The following ZBTB47 variants were observed in gnomAD, a reference collection of about 807,000 sequenced individuals.
ZBTB47 encodes zinc finger and BTB domain-containing protein 47.
ZBTB47 carries 24 observed loss-of-function variants against 56.6 expected under a neutral mutation model. The observed-to-expected ratio is 0.42, with a 90% CI of 0.31 to 0.60. The LOEUF (loss-of-function observed/expected upper bound fraction) is 0.60, where lower values mean the gene tolerates loss of function less well. Among genes scored for constraint, ZBTB47 ranks in the 20% least tolerant of loss-of-function variants. The probability of loss-of-function intolerance (pLI) is 0.14; values close to 1 mark genes in which losing one functional copy is unlikely to be tolerated. For missense variants in ZBTB47, 829 were observed against 1,032.6 expected, an observed-to-expected ratio of 0.80 and a Z score of 2.70; for synonymous variants, 414 against 418.9, an observed-to-expected ratio of 0.99 and a Z score of 0.14.
At chr3:42,659,909 C>T in intron 2 of ZBTB47, 81 bp downstream of exon 2, 1 of 1,467,202 alleles carries the variant, frequency 6.8e-7, no homozygotes, top group Admixed American at 2.4e-5. Flanking sequence ...CACCTAGTGT[C>T]TTGCTGACTG....
chr3:42,663,660 C>G lies in ZBTB47; in HGVS notation c.1738-137C>G, dbSNP rs1710748328. 2 of 1,159,212 alleles carry G rather than the reference C, an allele frequency of 1.7e-6. No individual in the cohort carries two copies. The highest frequency in any genetic ancestry group is 1.2e-6 in the Non-Finnish European group (1 of 827,416). The allele number at this position is 1,159,212 out of a possible 1,614,324, so 71.8% of individuals were successfully genotyped here. ...CCACCCAGATGCACCTCGGCTTGCCCTCATGTCCCCATCTCCTTGCCCAGG... is the reference window on the plus strand; with the variant it reads ...CCACCCAGATGCACCTCGGCTTGCCGTCATGTCCCCATCTCCTTGCCCAGG... On this transcript the variant is annotated intron_variant, in intron 4 of 5. Transcript: ENST00000232974. The surrounding 1 kb of genome is among the most constrained non-coding windows in gnomAD (Gnocchi z 5.1).
rs769927995 is a variant in ZBTB47 at position 42,659,253 on chromosome 3, C to G, written c.898C>G (p.Arg300Gly). 2.6e-6 allele frequency: 4 copies of G among 1,520,456 alleles called. No individual in the cohort carries two copies. The highest frequency in any genetic ancestry group is 8.8e-7 in the Non-Finnish European group (1 of 1,136,662). The allele number at this position is 1,520,456 out of a possible 1,614,324, so 94.2% of individuals were successfully genotyped here. A position where few individuals can be genotyped will look rare whatever the true frequency, so the allele number is the denominator to read the frequency against. ...GGAAGAGGAAGGTGGTGGCAGTGGA[C>G]GGGAGGAGGAGGAGGAGGAAGAGGG... is the stretch of plus-strand genomic sequence containing the variant. ...EEEEEGGGSG[R>G]EEEEEEEGGS... The change falls in exon 2 of 6, where the codon CGG becomes GGG. Residue 300 changes from arginine to glycine, a missense_variant. Arg to Gly is a moderately radical substitution (Grantham distance 125, BLOSUM62 -2). This residue lies in a region of ZBTB47 where 359 missense variants were observed against 359.8 expected (regional missense o/e 1.00). Transcript: ENST00000232974.
Position 42,663,077 on chromosome 3 carries a change from C to G in ZBTB47, c.1687C>G (p.Leu563Val). The G allele has an allele frequency of 6.2e-7, 1 of 1,613,954 alleles. No individual in the cohort carries two copies. The highest frequency in any genetic ancestry group is 8.5e-7 in the Non-Finnish European group (1 of 1,179,820). Residue 563 changes from leucine (L) to valine (V), a missense_variant, in exon 4 of 6, where the codon CTC becomes GTC. Transcript: ENST00000232974. The surrounding 1 kb of genome is among the most constrained non-coding windows in gnomAD (Gnocchi z 5.1). ...AAAGTCCTTCAAGCGCAGCATGTCC[C>G]TCAAGGTGCACTCACTGCAGCACTC... ...CGKSFKRSMS[L>V]KVHSLQHSGE...
chr3:42,663,710 GC>G lies in ZBTB47; in HGVS notation c.1738-84del. 1 of 1,519,960 alleles carries G rather than the reference GC, an allele frequency of 6.6e-7. No homozygotes were observed. Among genetic ancestry groups the G allele is most frequent in the Non-Finnish European group, 9.0e-7 (1 of 1,117,014 alleles). The allele number at this position is 1,519,960 out of a possible 1,614,324, so 94.2% of individuals were successfully genotyped here. On this transcript the variant is annotated intron_variant, in intron 4 of 5. Coordinates refer to ENST00000232974, the MANE Select transcript of ZBTB47 (RefSeq NM_145166.4). The surrounding 1 kb of genome is among the most constrained non-coding windows in gnomAD (Gnocchi z 5.1). ...GAGCCCCTGAGTGTGTCCCTCCTTG[GC>G]CCTGTGGCCACAGGGGAGCTGTTCC...
rs1052035256 is a variant in ZBTB47, at chr3:42,664,547, G to T, written c.2193G>T (p.Pro731=). 1.5e-6 allele frequency: 1 copy of T among 662,536 alleles called. No individual in the cohort carries two copies. The highest frequency in any genetic ancestry group is 1.9e-6 in the Non-Finnish European group (1 of 528,574). The allele number at this position is 662,536 out of a possible 1,614,324, so 41.0% of individuals were successfully genotyped here. ...CGCCCCACCTGCCGCCCCCGCCTCC[G>T]CTCTTCCCCACCACTGCCAGCCCCG... ...PPPPHLPPPP[P]LFPTTASPGG... The change falls in exon 6 of 6, where the codon CCG becomes CCT. Residue 731 remains proline (P), a synonymous_variant. Coordinates refer to ENST00000232974, the MANE Select transcript of ZBTB47 (RefSeq NM_145166.4).
rs3821837 is a variant in ZBTB47 at position 42,666,330 on chromosome 3, G to A, written c.*1732G>A. Reference sequence around the variant, plus strand: ...TGCTGTCCTGGGGGAGAGAAGGTTCGCCCCTCCCCGAGGAAGAAGGCTTCT... The same window carrying A: ...TGCTGTCCTGGGGGAGAGAAGGTTCACCCCTCCCCGAGGAAGAAGGCTTCT... On this transcript the variant is annotated 3_prime_UTR_variant, in exon 6 of 6. Transcript: ENST00000232974. 4.0e-4 allele frequency among the ~76,000 whole-genome samples: 61 copies of A among 152,236 alleles called. No individual in the cohort carries two copies. In the East Asian group the frequency reaches 0.011, roughly 27 times the overall value.
At chr3:42,660,051 G>A (rs966083852) in intron 2 of ZBTB47, among the ~76,000 whole-genome samples, 7 of 152,206 alleles carry the variant, frequency 4.6e-5, no homozygotes, top group South Asian at 2.1e-4. Flanking sequence ...AGAGTTGGGC[G>A]CATGAAGAGA....
chr3:42,664,517 G>GCCC lies in ZBTB47; in HGVS notation c.2166_2168dup (p.Pro724dup). 2 of 751,736 alleles carry GCCC rather than the reference G, an allele frequency of 2.7e-6. No homozygotes were observed. Among genetic ancestry groups the GCCC allele is most frequent in the Non-Finnish European group, 3.5e-6 (2 of 577,842 alleles). The allele number at this position is 751,736 out of a possible 1,614,324, so 46.6% of individuals were successfully genotyped here. A position where few individuals can be genotyped will look rare whatever the true frequency, so the allele number is the denominator to read the frequency against. ...TCCCGGGGCTGCCCCAGACCCTGCC[G>GCCC]CCCCCGCCCCACCTGCCGCCCCCGC... On this transcript the variant is annotated inframe_insertion, in exon 6 of 6. Transcript: ENST00000232974.
Position 42,663,961 on chromosome 3 carries a change from C to A in ZBTB47, c.1882+20C>A. 1 of 1,600,872 alleles carries A rather than the reference C, an allele frequency of 6.2e-7. No individual in the cohort carries two copies. Among genetic ancestry groups the A allele is most frequent in the Non-Finnish European group, 8.5e-7 (1 of 1,171,928 alleles). ...ACACAGGTGCGGCTGCCCCTGGGGA[C>A]GGAGCTCGGTGCCGGGCCTGGGACC... On this transcript the variant is annotated intron_variant, in intron 5 of 5. Transcript: ENST00000232974. This position sits in a 1 kb window ranked among gnomAD's most constrained non-coding sequence, Gnocchi z 5.1.
In ZBTB47 at chr3:42,664,504, C is replaced by G; in HGVS notation, c.2150C>G (p.Pro717Arg). ...GCACTGCCCCTGCTCCCGGGGCTGC[C>G]CCAGACCCTGCCGCCCCCGCCCCAC... ...AHALPLLPGL[P>R]QTLPPPPHLP... Residue 717 changes from proline to arginine, a missense_variant, in exon 6 of 6, where the codon CCC (proline) becomes CGC (arginine). Pro to Arg is a moderately radical substitution (Grantham distance 103). This residue lies in a region of ZBTB47 where 115 missense variants were observed against 117.2 expected (regional missense o/e 0.98). Coordinates refer to ENST00000232974, the MANE Select transcript of ZBTB47 (RefSeq NM_145166.4). 6.9e-7 allele frequency: 1 copy of G among 1,455,894 alleles called. No individual in the cohort carries two copies. Among genetic ancestry groups the G allele is most frequent in the South Asian group, 1.4e-5 (1 of 72,976 alleles). 90.2% of individuals were successfully genotyped at this position (1,455,894 alleles called of 1,614,324 possible).
In ZBTB47 at chr3:42,654,206, C is replaced by T. The variant is rs1255467452; in HGVS notation, c.-82+323C>T. ...GCAACCGGAGGGCAGCGATGTTTGA[C>T]TCCCGGACGAACTTCCCGGCAGAAA... On this transcript the variant is annotated intron_variant, in intron 1 of 5. Transcript: ENST00000232974. The surrounding 1 kb of genome is among the most constrained non-coding windows in gnomAD (Gnocchi z 5.0). 1.3e-5 allele frequency: 2 copies of T among 152,090 alleles called. No individual in the cohort carries two copies. Among genetic ancestry groups the T allele is most frequent in the Non-Finnish European group, 2.9e-5 (2 of 68,026 alleles). The allele number at this position is 152,090 out of a possible 1,614,324, so 9.4% of individuals were successfully genotyped here.
In ZBTB47 at chr3:42,663,968, C is replaced by T. The variant is rs201361350; in HGVS notation, c.1882+27C>T. ...TGCGGCTGCCCCTGGGGACGGAGCT[C>T]GGTGCCGGGCCTGGGACCCCTTCTC... is the stretch of plus-strand genomic sequence containing the variant. On this transcript the variant is annotated intron_variant, in intron 5 of 5. Transcript: ENST00000232974. This position sits in a 1 kb window ranked among gnomAD's most constrained non-coding sequence, Gnocchi z 5.1. 5 of 1,594,802 alleles carry T rather than the reference C, an allele frequency of 3.1e-6. No individual in the cohort carries two copies. The highest frequency in any genetic ancestry group is 1.3e-5 in the African/African-American group (1 of 74,668).
In ZBTB47 at chr3:42,656,387, T is replaced by C. The variant is rs1382927982; in HGVS notation, c.-81-1888T>C. 6.6e-6 allele frequency among the ~76,000 whole-genome samples: 1 copy of C among 152,176 alleles called. No individual in the cohort carries two copies. Among genetic ancestry groups the C allele is most frequent in the Non-Finnish European group, 1.5e-5 (1 of 68,028 alleles). ...AGGGGCTCTGGACTGTGGAACCCTC[T>C]CATTCTGAGCCTCGGTTTCTCCATC... On this transcript the variant is annotated intron_variant, in intron 1 of 5. Transcript: ENST00000232974. The surrounding 1 kb of genome is among the most constrained non-coding windows in gnomAD (Gnocchi z 5.8).
At chr3:42,662,847 AG>A (rs993935298) in intron 3 of ZBTB47, among the ~76,000 whole-genome samples, 164 bp from the exon 4 acceptor site, 1 of 152,230 alleles carries the variant, frequency 6.6e-6, no homozygotes, top group Non-Finnish European at 1.5e-5. Context: ...CCATGGAGGC[AG>A]GGGGCCTCTC....
In ZBTB47 at chr3:42,664,438, C is replaced by A; in HGVS notation, c.2084C>A (p.Pro695His). 6.5e-7 allele frequency: 1 copy of A among 1,535,532 alleles called. No individual in the cohort carries two copies. The highest frequency in any genetic ancestry group is 8.7e-7 in the Non-Finnish European group (1 of 1,143,756). ...CACACCCTGGCCGGCGACGGCGTCCCCGCTGCCCCAGGCCTGCCCCCAACC... is the reference window on the plus strand; with the variant it reads ...CACACCCTGGCCGGCGACGGCGTCCACGCTGCCCCAGGCCTGCCCCCAACC... ...VSHTLAGDGV[P>H]AAPGLPPTQP... Residue 695 changes from proline to histidine, a missense_variant, in exon 6 of 6, where the codon CCC becomes CAC. This residue lies in a region of ZBTB47 where 115 missense variants were observed against 117.2 expected (regional missense o/e 0.98). Coordinates refer to ENST00000232974, the MANE Select transcript of ZBTB47 (RefSeq NM_145166.4).
In ZBTB47 at chr3:42,656,555, G is replaced by C. The variant is rs1363149740; in HGVS notation, c.-81-1720G>C. Among the ~76,000 whole-genome samples the C allele has an allele frequency of 6.6e-6, 1 of 152,182 alleles. No individual in the cohort carries two copies. Among genetic ancestry groups the C allele is most frequent in the Non-Finnish European group, 1.5e-5 (1 of 68,020 alleles). On this transcript the variant is annotated intron_variant, in intron 1 of 5. Transcript: ENST00000232974. The surrounding 1 kb of genome is among the most constrained non-coding windows in gnomAD (Gnocchi z 5.8). Reference sequence around the variant, plus strand: ...GGAGATGGATGGCTTCTTGGCTGGGGTAAGGGGTGTAGTGGAGAACTCAAG... The same window carrying C: ...GGAGATGGATGGCTTCTTGGCTGGGCTAAGGGGTGTAGTGGAGAACTCAAG...
At position 42,656,689 on chromosome 3, in the gene ZBTB47, G is replaced by A. The variant is rs2125836178; in HGVS notation, c.-81-1586G>A. Among the ~76,000 whole-genome samples, 2 of 152,140 alleles carry A rather than the reference G, an allele frequency of 1.3e-5. No individual in the cohort carries two copies. The highest frequency in any genetic ancestry group is 1.3e-4 in the Admixed American group (2 of 15,298). Reference sequence around the variant, plus strand: ...AGGGGGCAGGGTCCAGGGCAGGCCTGGAGACAGGTGGCCCCTGGTGGCTCA... The same window carrying A: ...AGGGGGCAGGGTCCAGGGCAGGCCTAGAGACAGGTGGCCCCTGGTGGCTCA... On this transcript the variant is annotated intron_variant, in intron 1 of 5. Transcript: ENST00000232974. This position sits in a 1 kb window ranked among gnomAD's most constrained non-coding sequence, Gnocchi z 5.8.
At chr3:42,659,899 C>A in intron 2 of ZBTB47, 71 bp downstream of exon 2, 3 of 1,485,270 alleles carry the variant, frequency 2.0e-6, no homozygotes, top group Non-Finnish European at 2.7e-6. Flanking sequence ...GGGCTCTGGG[C>A]ACCTAGTGTC....
At chr3:42,657,786 A>G (rs1163595838) in intron 1 of ZBTB47, among the ~76,000 whole-genome samples, 1 of 152,090 alleles carries the variant, frequency 6.6e-6, no homozygotes, top group East Asian at 1.9e-4. Flanking sequence ...GTGTGAGTGA[A>G]TATGTGGAGA....
Sources: allele counts gnomAD v4.1 joint callset (sites outside exome capture counted in the v4.1 genomes callset), GRCh38; gene constraint gnomAD v4.1.1; regional missense constraint gnomAD v4.1.1; non-coding constraint Gnocchi (gnomAD v3.1); transcripts MANE v1.5; gene names NCBI Gene and HGNC (gene_info 2026-07-23, HGNC 2026-07-21).